The following DGKI variants were observed in gnomAD, a reference collection of about 807,000 sequenced individuals.
DGKI encodes DAG kinase iota.
Under a neutral mutation model 147.5 loss-of-function variants are expected in DGKI, and 55 were observed. The ratio of observed to expected loss-of-function variants is 0.37; its 90% CI spans 0.30 to 0.47. DGKI has a LOEUF of 0.47. Among genes scored for constraint, DGKI ranks in the 20% least tolerant of loss-of-function variants. The pLI, the probability that DGKI is intolerant of heterozygous loss-of-function variation, is 1.00. For missense variants in DGKI, 1,007 were observed against 1,323.8 expected (o/e 0.76, Z 3.71); for synonymous variants, 469 against 477.1 (o/e 0.98, Z 0.22).
At chr7:137,732,707 G>T (rs1028145557) in intron 1 of DGKI, among the ~76,000 whole-genome samples, 5 of 152,020 alleles carry the variant, frequency 3.3e-5, no homozygotes, top group Admixed American at 6.6e-5. Context: ...AGACAGGAAA[G>T]GTTCCTTCGG....
At chr7:137,617,412 G>T (rs1385705036) in intron 8 of DGKI, among the ~76,000 whole-genome samples, 1 of 151,890 alleles carries the variant, frequency 6.6e-6, no homozygotes, top group Non-Finnish European at 1.5e-5. Flanking sequence ...TTGAAAAACA[G>T]TAAAAAAAGA....
chr7:137,575,043 GTCTC>G (rs900777392), intron 17 of DGKI, among the ~76,000 whole-genome samples: 11 of 152,116 alleles, frequency 7.2e-5, no homozygotes, highest in African/African-American at 2.7e-4. Context: ...GTATCCTTGT[GTCTC>G]TCTATGTCAC....
chr7:137,444,014 C>T (rs970985655), intron 28 of DGKI, 63 bp downstream of exon 28: 4 of 1,384,238 alleles, frequency 2.9e-6, no homozygotes, highest in Non-Finnish European at 1.0e-6. Flanking sequence ...TGACAATGAA[C>T]TGCAAAGACC....
Position 137,561,611 on chromosome 7 carries a change from G to A in DGKI, c.1948-9043C>T, listed in dbSNP as rs186256283. 7.9e-5 allele frequency among the ~76,000 whole-genome samples: 12 copies of A among 152,176 alleles called. No homozygotes were observed. In the East Asian group the frequency reaches 1.7e-3, roughly 22 times the overall value. ...GAAATGACAAATGTTTGAGATGATC[G>A]ATATGCTAATTATCCTGATTTGATC... On this transcript the variant is annotated intron_variant, in intron 19 of 32. Coordinates refer to ENST00000614521, the MANE Select transcript of DGKI (RefSeq NM_001321708.2).
intron 1 of DGKI, among the ~76,000 whole-genome samples, chr7:137,798,214 A>C (rs1797091104): frequency 6.6e-6 from 1 of 152,202 alleles, no homozygotes; most frequent in Non-Finnish European, 1.5e-5. Flanking sequence ...AAGTTCTCAC[A>C]ATGGAAAGCC....
chr7:137,538,355 A>G (rs1197585442), intron 20 of DGKI, among the ~76,000 whole-genome samples: 1 of 152,172 alleles, frequency 6.6e-6, no homozygotes, highest in Admixed American at 6.5e-5. Flanking sequence ...TTTCATCCTT[A>G]CCAAGAAGTC....
intron 1 of DGKI, among the ~76,000 whole-genome samples, chr7:137,703,655 T>G (rs1282807377): frequency 6.6e-6 from 1 of 152,152 alleles, no homozygotes; most frequent in African/African-American, 2.4e-5. Context: ...GAGACTTCAG[T>G]AGTCATACAC....
intron 30 of DGKI, among the ~76,000 whole-genome samples, chr7:137,405,206 T>C (rs748616394): frequency 5.3e-5 from 8 of 152,022 alleles, no homozygotes; most frequent in Non-Finnish European, 1.2e-4. Context: ...TTTCAAATAT[T>C]GCATGGGCTA....
intron 6 of DGKI, among the ~76,000 whole-genome samples, chr7:137,631,947 G>T (rs938454258): frequency 2.0e-5 from 3 of 152,196 alleles, no homozygotes; most frequent in Non-Finnish European, 4.4e-5. Flanking sequence ...CACCAACATT[G>T]TTGGGAAGTT....
rs1326308554 is a variant in DGKI at position 137,386,912 on chromosome 7, T to C, written c.*4308A>G. 1 of 152,176 alleles carries C rather than the reference T, an allele frequency of 6.6e-6. No individual in the cohort carries two copies. The highest frequency in any genetic ancestry group is 1.5e-5 in the Non-Finnish European group (1 of 68,012). The allele number at this position is 152,176 out of a possible 1,614,324, so 9.4% of individuals were successfully genotyped here. On this transcript the variant is annotated 3_prime_UTR_variant, in exon 33 of 33. Coordinates refer to ENST00000614521, the MANE Select transcript of DGKI (RefSeq NM_001321708.2). ...TGTTTTTCTACTTCTTTTCCTAAAA[T>C]GAATATAATTCATTTAAATAGAACA...
chr7:137,638,587 C>T lies in DGKI; in HGVS notation c.804+6885G>A, dbSNP rs1240075586. Among the ~76,000 whole-genome samples, 3 of 23,404 alleles carry T rather than the reference C, an allele frequency of 1.3e-4. 1 individual carries two copies. Among genetic ancestry groups the T allele is most frequent in the African/African-American group, 3.0e-4 (3 of 9,884 alleles). 15.4% of individuals were successfully genotyped at this position (23,404 alleles called of 152,430 possible). On this transcript the variant is annotated intron_variant, in intron 6 of 32. Transcript: ENST00000614521. Reference sequence around the variant, plus strand: ...ATACACACATATATGTATATATACACATATATACATATATGTATATATATA... The same window carrying T: ...ATACACACATATATGTATATATACATATATATACATATATGTATATATATA...
chr7:137,461,191 A>G (rs1814429656), intron 27 of DGKI, among the ~76,000 whole-genome samples: 1 of 152,226 alleles, frequency 6.6e-6, no homozygotes, highest in Admixed American at 6.5e-5. Context: ...ATAGTGTAGG[A>G]CAATGGAAAA....
At chr7:137,651,762 T>C (rs1428477556) in intron 5 of DGKI, among the ~76,000 whole-genome samples, 1 of 152,084 alleles carries the variant, frequency 6.6e-6, no homozygotes, top group Non-Finnish European at 1.5e-5. Context: ...AAGGGCCATC[T>C]GATGAAACAA....
At chr7:137,814,606 C>T (rs1797685333) in intron 1 of DGKI, among the ~76,000 whole-genome samples, 1 of 152,120 alleles carries the variant, frequency 6.6e-6, no homozygotes, top group African/African-American at 2.4e-5. Context: ...GGTATTATAC[C>T]TCTTGAACAC....
intron 24 of DGKI, among the ~76,000 whole-genome samples, chr7:137,468,137 A>G (rs1014069530): frequency 2.0e-5 from 3 of 152,232 alleles, no homozygotes; most frequent in Non-Finnish European, 2.9e-5. Flanking sequence ...TTTAAAATTC[A>G]CAAACATTTA....
At chr7:137,594,642 A>G (rs1332169037) in intron 12 of DGKI, among the ~76,000 whole-genome samples, 1 of 152,182 alleles carries the variant, frequency 6.6e-6, no homozygotes, top group Non-Finnish European at 1.5e-5. Flanking sequence ...TGTCAAATAT[A>G]TACCTGAATT....
intron 6 of DGKI, 149 bp from the exon 7 acceptor site, chr7:137,623,703 T>G (rs1244097169): frequency 3.1e-6 from 2 of 647,820 alleles, no homozygotes; most frequent in Non-Finnish European, 5.7e-6. Context: ...AAGGCCACAT[T>G]GAGCACCACA....
intron 1 of DGKI, among the ~76,000 whole-genome samples, chr7:137,727,931 T>A (rs1461856778): frequency 6.6e-6 from 1 of 152,078 alleles, no homozygotes; most frequent in Non-Finnish European, 1.5e-5. Context: ...ACAAAGAAAG[T>A]GGAACCAGCT....
intron 20 of DGKI, among the ~76,000 whole-genome samples, chr7:137,542,602 G>A (rs1817739811): frequency 6.6e-6 from 1 of 152,086 alleles, no homozygotes; most frequent in South Asian, 2.1e-4. Flanking sequence ...TTGGGAGATG[G>A]GAGGGTTTGA....
Sources: allele counts gnomAD v4.1 joint callset (sites outside exome capture counted in the v4.1 genomes callset), GRCh38; gene constraint gnomAD v4.1.1; transcripts MANE v1.5; gene names NCBI Gene and HGNC (gene_info 2026-07-23, HGNC 2026-07-21).